GALNT17: variants seen among roughly 807,000 people sequenced by gnomAD.
GALNT17 encodes UDP-GalNAc:polypeptide N-acetylgalactosaminyltransferase-like 3.
In GALNT17, 29 loss-of-function variants were observed where a neutral mutation model predicts 63.7. That is an observed-to-expected ratio of 0.46 (90% CI 0.34 to 0.62). GALNT17 has a LOEUF of 0.62. Among genes scored for constraint, GALNT17 ranks in the 20% least tolerant of loss-of-function variants. The probability of loss-of-function intolerance (pLI) is 0.01; values close to 1 mark genes in which losing one functional copy is unlikely to be tolerated. For missense variants in GALNT17, 603 were observed against 799.6 expected, an observed-to-expected ratio of 0.75 and a Z score of 2.97; for synonymous variants, 305 against 318.3, an observed-to-expected ratio of 0.96 and a Z score of 0.45.
At chr7:71,198,908 G>C (rs1302796593) in intron 1 of GALNT17, among the ~76,000 whole-genome samples, 1 of 152,180 alleles carries the variant, frequency 6.6e-6, no homozygotes, top group Non-Finnish European at 1.5e-5. Context: ...ATCACATGGA[G>C]AGCTTGTTGA....
intron 8 of GALNT17, among the ~76,000 whole-genome samples, chr7:71,675,846 G>T (rs977271660): frequency 1.8e-4 from 27 of 152,094 alleles, no homozygotes; most frequent in Admixed American, 9.2e-4. Context: ...AAATTAACTG[G>T]GCGTGGTAGC....
intron 5 of GALNT17, among the ~76,000 whole-genome samples, chr7:71,569,870 A>G (rs181273891): frequency 1.5e-3 from 221 of 152,168 alleles, no homozygotes; most frequent in African/African-American, 5.0e-3. Flanking sequence ...TGGTAGAACT[A>G]TTTATTTTCC....
At chr7:71,203,298 C>T (rs1485517273) in intron 1 of GALNT17, among the ~76,000 whole-genome samples, 1 of 152,164 alleles carries the variant, frequency 6.6e-6, no homozygotes, top group Non-Finnish European at 1.5e-5. Context: ...TCTCCACATC[C>T]AACACTTATC....
At chr7:71,384,039 T>A (rs918618975) in intron 2 of GALNT17, among the ~76,000 whole-genome samples, 1 of 152,148 alleles carries the variant, frequency 6.6e-6, no homozygotes, top group African/African-American at 2.4e-5. Flanking sequence ...GGCCGTAACA[T>A]CCTCCCCTTC....
At chr7:71,334,060 T>C (rs890376049) in intron 1 of GALNT17, among the ~76,000 whole-genome samples, 1 of 152,088 alleles carries the variant, frequency 6.6e-6, no homozygotes, top group South Asian at 2.1e-4. Flanking sequence ...AGGGTCTCTA[T>C]GGAGATGGTG....
At chr7:71,683,492 T>A (rs946530715) in intron 9 of GALNT17, among the ~76,000 whole-genome samples, 2 of 152,158 alleles carry the variant, frequency 1.3e-5, no homozygotes, top group African/African-American at 4.8e-5. Context: ...ATTAATGGAC[T>A]CTATGTTGTA....
At chr7:71,544,850 G>GGTT (rs1554306611) in intron 5 of GALNT17, among the ~76,000 whole-genome samples, 3 of 147,060 alleles carry the variant, frequency 2.0e-5, no homozygotes, top group Non-Finnish European at 3.0e-5. Flanking sequence ...CTGAGCTTTA[G>GGTT]TTTTTTTTTT....
At chr7:71,342,350 C>T (rs562489112) in intron 2 of GALNT17, among the ~76,000 whole-genome samples, 12 of 152,298 alleles carry the variant, frequency 7.9e-5, no homozygotes, top group Admixed American at 2.0e-4. Context: ...TGAACTCACT[C>T]ATCATCCAGA....
intron 1 of GALNT17, among the ~76,000 whole-genome samples, chr7:71,318,251 A>T (rs886752327): frequency 6.6e-6 from 1 of 152,066 alleles, no homozygotes; most frequent in Admixed American, 6.6e-5. Flanking sequence ...TTTCATCTGC[A>T]TGGGTCACAG....
Position 71,320,085 on chromosome 7 carries a change from T to TGA in GALNT17, c.239-15464_239-15463dup, listed in dbSNP as rs994857187. On this transcript the variant is annotated intron_variant, in intron 1 of 10. Coordinates refer to ENST00000333538, the MANE Select transcript of GALNT17 (RefSeq NM_022479.3). ...GGGGAAGTACACTCAGCTCAGCAAA[T>TGA]GATCAAGTCCAACATTAGTGGCGTG... Among the ~76,000 whole-genome samples the TGA allele has an allele frequency of 8.5e-5, 13 of 152,144 alleles. 2 individuals are homozygous for TGA. The highest frequency in any genetic ancestry group is 8.5e-4 in the Admixed American group (13 of 15,274).
intron 1 of GALNT17, among the ~76,000 whole-genome samples, chr7:71,292,666 AGAGTGTGTGTGTGTGTGTGTGTGT>A (rs1791002998): frequency 5.1e-5 from 6 of 117,014 alleles, no homozygotes; most frequent in Non-Finnish European, 1.1e-4. Flanking sequence ...AGAGAGAGAG[AGAGTGTGTGTGTGTGTGTGTGTGT>A]GTGTGTGTGT....
intron 1 of GALNT17, among the ~76,000 whole-genome samples, chr7:71,309,955 G>A (rs1385099599): frequency 6.6e-6 from 1 of 152,112 alleles, no homozygotes; most frequent in Non-Finnish European, 1.5e-5. Flanking sequence ...AATCATGGGG[G>A]CAGGCCTTTC....
At chr7:71,377,114 A>AATAT (rs1554362119) in intron 2 of GALNT17, among the ~76,000 whole-genome samples, 614 of 57,362 alleles carry the variant, frequency 0.011, 56 homozygotes, top group Admixed American at 0.013. Flanking sequence ...AAATAAAAAA[A>AATAT]ATATATATAT....
chr7:71,284,898 T>G (rs1478611318), intron 1 of GALNT17, among the ~76,000 whole-genome samples: 2 of 152,082 alleles, frequency 1.3e-5, no homozygotes, highest in Non-Finnish European at 2.9e-5. Context: ...TTTTTTTTCT[T>G]CCATAAGTGA....
At chr7:71,270,186 T>G (rs73174000) in intron 1 of GALNT17, among the ~76,000 whole-genome samples, 6,564 of 152,066 alleles carry the variant, frequency 0.043, 207 homozygotes, top group Middle Eastern at 0.085. Context: ...TGTTGAAGGG[T>G]GCACAGCACA....
intron 1 of GALNT17, 39 bp from the exon 2 acceptor site, chr7:71,335,511 T>C (rs1791882884): frequency 3.3e-6 from 5 of 1,506,258 alleles, no homozygotes; most frequent in Non-Finnish European, 4.4e-6. Context: ...CCTGGTATGG[T>C]GGTTTTCTAA....
At chr7:71,235,901 C>T (rs1789879230) in intron 1 of GALNT17, among the ~76,000 whole-genome samples, 1 of 152,240 alleles carries the variant, frequency 6.6e-6, no homozygotes, top group African/African-American at 2.4e-5. Flanking sequence ...TGCTCTTGGT[C>T]AGGCACAGTG....
At chr7:71,404,310 C>T (rs1793290140) in intron 3 of GALNT17, among the ~76,000 whole-genome samples, 1 of 152,198 alleles carries the variant, frequency 6.6e-6, no homozygotes, top group African/African-American at 2.4e-5. Context: ...TGGTATTTTG[C>T]ACCTCACATC....
intron 5 of GALNT17, among the ~76,000 whole-genome samples, chr7:71,470,044 A>C (rs557382292): frequency 1.1e-4 from 16 of 152,270 alleles, no homozygotes; most frequent in African/African-American, 3.6e-4. Flanking sequence ...CCCTGTCTCT[A>C]CTAAAAATAA....
Sources: gnomAD v4.1 joint callset for allele counts (sites outside exome capture counted in the v4.1 genomes callset) on GRCh38, gnomAD v4.1.1 for gene constraint, MANE v1.5 for transcripts, NCBI Gene and HGNC (gene_info 2026-07-23, HGNC 2026-07-21) for gene names.